The following ST14 variants were observed in gnomAD, a reference collection of about 807,000 sequenced individuals.
ST14 encodes suppressor of tumorigenicity 14 protein.
Under a neutral mutation model 96.5 loss-of-function variants are expected in ST14, and 40 were observed. The ratio of observed to expected loss-of-function variants is 0.41; its 90% CI spans 0.32 to 0.54. The LOEUF (loss-of-function observed/expected upper bound fraction) is 0.54, where lower values mean the gene tolerates loss of function less well. ST14 is among the 20% of genes least tolerant of loss of function. The pLI, the probability that ST14 is intolerant of heterozygous loss-of-function variation, is 0.17. For missense variants in ST14, 1,066 were observed against 1,188.9 expected (o/e 0.90, Z 1.52); for synonymous variants, 506 against 492.1 (o/e 1.03, Z -0.37).
At chr11:130,194,510 G>T in intron 8 of ST14, 130 bp from the exon 9 acceptor site, 1 of 1,164,154 alleles carries the variant, frequency 8.6e-7, no homozygotes, top group South Asian at 1.3e-5. Context: ...GGCCTTCCTG[G>T]CTGTGCACCT....
intron 1 of ST14, among the ~76,000 whole-genome samples, chr11:130,178,883 G>GTGC (rs1337948143): frequency 6.6e-6 from 1 of 152,212 alleles, no homozygotes; most frequent in East Asian, 1.9e-4. Context: ...AGCTGGCCCT[G>GTGC]TGCTCTCCCA....
At chr11:130,168,190 A>G (rs1330497284) in intron 1 of ST14, among the ~76,000 whole-genome samples, 1 of 152,166 alleles carries the variant, frequency 6.6e-6, no homozygotes, top group Non-Finnish European at 1.5e-5. Context: ...ATCATTGGAC[A>G]ATTAATAGAA....
At chr11:130,174,469 C>T (rs573541277) in intron 1 of ST14, among the ~76,000 whole-genome samples, 2 of 150,766 alleles carry the variant, frequency 1.3e-5, no homozygotes, top group East Asian at 2.0e-4. Flanking sequence ...GTGTTGCTCT[C>T]CTGGGCCCTC....
chr11:130,195,709 C>T (rs527711631), intron 9 of ST14, among the ~76,000 whole-genome samples: 55 of 151,812 alleles, frequency 3.6e-4, no homozygotes, highest in African/African-American at 1.1e-3. Flanking sequence ...AAAAATTAGC[C>T]GGGTGTGATG....
At chr11:130,203,893 A>C (rs1953459153) in intron 16 of ST14, among the ~76,000 whole-genome samples, 1 of 152,166 alleles carries the variant, frequency 6.6e-6, no homozygotes, top group Non-Finnish European at 1.5e-5. Context: ...ACCACGGGTG[A>C]TCTGCCTGCC....
At chr11:130,178,986 C>T (rs942801234) in intron 1 of ST14, among the ~76,000 whole-genome samples, 3 of 152,106 alleles carry the variant, frequency 2.0e-5, no homozygotes, top group African/African-American at 7.2e-5. Flanking sequence ...GTCCCCAGGG[C>T]GTGGAAGCAA....
intron 1 of ST14, among the ~76,000 whole-genome samples, chr11:130,162,382 C>G (rs1249719971): frequency 6.6e-6 from 1 of 152,182 alleles, no homozygotes; most frequent in Non-Finnish European, 1.5e-5. Context: ...CCCTGAGGGT[C>G]TTGATTCCTG....
At position 130,181,482 on chromosome 11, in the gene ST14, T is replaced by A. The variant is rs1386019272; in HGVS notation, c.82-6632T>A. 2.6e-5 allele frequency among the ~76,000 whole-genome samples: 4 copies of A among 152,220 alleles called. No individual in the cohort carries two copies. The highest frequency in any genetic ancestry group is 6.5e-5 in the Admixed American group (1 of 15,288). ...CCTGGCTTCATAGCACCGTTTTATG[T>A]GTGCACCTGCAAAGATGTTTACTTT... On this transcript the variant is annotated intron_variant, in intron 1 of 18. Transcript: ENST00000278742. This position sits in a 1 kb window ranked among gnomAD's most constrained non-coding sequence, Gnocchi z 4.1.
At position 130,190,706 on chromosome 11, in the gene ST14, G is replaced by C. The variant is rs190897420; in HGVS notation, c.875+12G>C. The C allele has an allele frequency of 2.6e-6, 4 of 1,560,638 alleles. No individual in the cohort carries two copies. The highest frequency in any genetic ancestry group is 2.7e-5 in the African/African-American group (2 of 73,530). ...CACGCCCTGGTGCAGTGAGTACCCC[G>C]GGGGGCGGGTAGGGCTGTGGGAGCT... On this transcript the variant is annotated intron_variant, in intron 7 of 18. Transcript: ENST00000278742.
chr11:130,180,497 C>T (rs1053734103), intron 1 of ST14, among the ~76,000 whole-genome samples: 4 of 152,104 alleles, frequency 2.6e-5, no homozygotes, highest in African/African-American at 9.7e-5. Context: ...GTGTAGGGGC[C>T]CTTCCCCATT....
Position 130,159,922 on chromosome 11 carries a change from G to T in ST14, c.-58G>T. ...CCGCGCCCCGCGCCCTGCGGGCCATGGGAGCCGGCCGCCGGCAGGGACGAC... is the reference window on the plus strand; with the variant it reads ...CCGCGCCCCGCGCCCTGCGGGCCATTGGAGCCGGCCGCCGGCAGGGACGAC... On this transcript the variant is annotated 5_prime_UTR_variant, in exon 1 of 19. An upstream start codon of the reference 5' UTR is lost. Coordinates refer to ENST00000278742, the MANE Select transcript of ST14 (RefSeq NM_021978.4). The T allele has an allele frequency of 2.7e-6, 3 of 1,123,572 alleles. No homozygotes were observed. The highest frequency in any genetic ancestry group is 3.4e-6 in the Non-Finnish European group (3 of 884,884). The allele number at this position is 1,123,572 out of a possible 1,614,324, so 69.6% of individuals were successfully genotyped here.
chr11:130,201,232 T>A (rs1378948602), intron 16 of ST14, among the ~76,000 whole-genome samples: 2 of 152,218 alleles, frequency 1.3e-5, no homozygotes, highest in South Asian at 2.1e-4. Context: ...TCTCTGGGCG[T>A]CTGGCTGTTG....
intron 7 of ST14, among the ~76,000 whole-genome samples, chr11:130,191,918 G>A (rs1206583241): frequency 1.3e-5 from 2 of 152,276 alleles, no homozygotes; most frequent in East Asian, 3.9e-4. Context: ...CCCATAGGTG[G>A]GTTTGCATAG....
At chr11:130,189,663 G>A in intron 4 of ST14, 76 bp from the exon 5 acceptor site, 4 of 1,588,174 alleles carry the variant, frequency 2.5e-6, no homozygotes, top group Non-Finnish European at 3.4e-6. Context: ...CCGCCCATGT[G>A]TCCTGGAGTC....
At chr11:130,195,120 T>C (rs1173811978) in intron 9 of ST14, among the ~76,000 whole-genome samples, 1 of 152,074 alleles carries the variant, frequency 6.6e-6, no homozygotes, top group East Asian at 1.9e-4. Flanking sequence ...AGGTGATACA[T>C]GCCTGTAGTC....
intron 14 of ST14, 47 bp downstream of exon 14, chr11:130,198,668 A>G (rs764033890): frequency 6.4e-7 from 1 of 1,552,850 alleles, no homozygotes; most frequent in African/African-American, 1.4e-5. Context: ...TCGCCCCTGG[A>G]GGAGGCTGCC....
intron 1 of ST14, among the ~76,000 whole-genome samples, chr11:130,161,442 A>G (rs1291673238): frequency 6.6e-6 from 1 of 152,154 alleles, no homozygotes; most frequent in African/African-American, 2.4e-5. Flanking sequence ...CCCCACCCCA[A>G]GTTTGTTCTC....
chr11:130,194,651 C>A lies in ST14; in HGVS notation c.1027C>A (p.Arg343Ser). 6.2e-7 allele frequency: 1 copy of A among 1,614,170 alleles called. No individual in the cohort carries two copies. Among genetic ancestry groups the A allele is most frequent in the Non-Finnish European group, 8.5e-7 (1 of 1,180,008 alleles). The change falls in exon 9 of 19, where the codon CGC (arginine) becomes AGC (serine). Residue 343 changes from arginine to serine, a missense_variant. Physicochemically the swap from Arg to Ser is moderately radical, Grantham distance 110. Coordinates refer to ENST00000278742, the MANE Select transcript of ST14 (RefSeq NM_021978.4). ...ACCTTCCCTCTCAGGCTGTGGAGGC[C>A]GCTTACGTAAAGCCCAGGGGACATT... ...QLPRMSSCGG[R>S]LRKAQGTFNS...
chr11:130,205,209 C>T (rs977875510), intron 16 of ST14, among the ~76,000 whole-genome samples: 1 of 152,156 alleles, frequency 6.6e-6, no homozygotes, highest in Admixed American at 6.5e-5. Context: ...TCACTGCAAC[C>T]TCTGCCTCCC....
Sources: allele counts gnomAD v4.1 joint callset (sites outside exome capture counted in the v4.1 genomes callset), GRCh38; gene constraint gnomAD v4.1.1; non-coding constraint Gnocchi (gnomAD v3.1); transcripts MANE v1.5; gene names NCBI Gene and HGNC (gene_info 2026-07-23, HGNC 2026-07-21).